Variants in MTMR9 observed in about 807,000 individuals in gnomAD.
MTMR9 encodes myotubularin related protein 9.
MTMR9 carries 39 observed loss-of-function variants against 69.5 expected under a neutral mutation model. The observed-to-expected ratio is 0.56, with a 90% CI of 0.43 to 0.73. The LOEUF (loss-of-function observed/expected upper bound fraction) is 0.73, where lower values mean the gene tolerates loss of function less well. Among genes scored for constraint, MTMR9 ranks in the 30% least tolerant of loss-of-function variants. The pLI is 0.00. For synonymous variants in MTMR9, 354 were observed against 240.8 expected (o/e 1.47, Z -4.35); for missense variants, 900 against 671.2 (o/e 1.34, Z -3.77).
chr8:11,336,888 A>G, the MTMR9 span, among the ~76,000 whole-genome samples: 3 of 152,160 alleles, frequency 2.0e-5, no homozygotes, highest in African/African-American at 7.2e-5. Flanking sequence ...TTGCTATTGT[A>G]TGCATCCAAC....
At chr8:11,330,393 C>T (rs1301216174), downstream of MTMR9, among the ~76,000 whole-genome samples, 19 of 152,142 alleles carry the variant, frequency 1.2e-4, no homozygotes, top group African/African-American at 1.9e-4. Context: ...CCCCTCTGCC[C>T]GGCCACCACC....
At chr8:11,294,989 A>G (rs796887509) in intron 1 of MTMR9, 37 of 350,686 alleles carry the variant, frequency 1.1e-4, no homozygotes, top group African/African-American at 7.9e-4. Context: ...TACTTTATAT[A>G]TTTGAAATTT....
chr8:11,325,368 A>G lies in MTMR9; in HGVS notation c.*2580A>G, dbSNP rs1312538395. 6 of 152,248 alleles carry G rather than the reference A, an allele frequency of 3.9e-5. No homozygotes were observed. Among genetic ancestry groups the G allele is most frequent in the African/African-American group, 1.4e-4 (6 of 41,460 alleles). The allele number at this position is 152,248 out of a possible 1,614,324, so 9.4% of individuals were successfully genotyped here. A position where few individuals can be genotyped will look rare whatever the true frequency, so the allele number is the denominator to read the frequency against. On this transcript the variant is annotated 3_prime_UTR_variant, in exon 10 of 10. Coordinates refer to ENST00000221086, the MANE Select transcript of MTMR9 (RefSeq NM_015458.4). ...TACACTCCTGAGAAGACACTCGTTA[A>G]ACATTGCATCGGAGAGCTGCCTTTG... is the stretch of plus-strand genomic sequence containing the variant.
At chr8:11,337,753 G>A in the MTMR9 span, among the ~76,000 whole-genome samples, 8 of 152,146 alleles carry the variant, frequency 5.3e-5, no homozygotes, top group African/African-American at 1.9e-4. Context: ...ATCTCTCATT[G>A]CATTCTAGGT....
chr8:11,328,344 C>CAT (rs1554507373), downstream of MTMR9, among the ~76,000 whole-genome samples: 2 of 90,894 alleles, frequency 2.2e-5, no homozygotes, highest in African/African-American at 6.0e-5. Context: ...TTTAATACCA[C>CAT]GTGTGTGTGT....
In MTMR9 at chr8:11,316,902, A is replaced by G; in HGVS notation, c.1334+9A>G. On this transcript the variant is annotated intron_variant, in intron 8 of 9. Transcript: ENST00000221086. Reference sequence around the variant, plus strand: ...AACAATGAAAGTGAAAGGTGAGTACACTGCTCACATGGGGACCTTTCCTTT... The same window carrying G: ...AACAATGAAAGTGAAAGGTGAGTACGCTGCTCACATGGGGACCTTTCCTTT... 6.4e-7 allele frequency: 1 copy of G among 1,563,090 alleles called. No individual in the cohort carries two copies. The highest frequency in any genetic ancestry group is 1.2e-5 in the South Asian group (1 of 82,664).
chr8:11,338,088 G>T, the MTMR9 span, among the ~76,000 whole-genome samples: 1 of 152,366 alleles, frequency 6.6e-6, no homozygotes, highest in South Asian at 2.1e-4. Context: ...TGGGAAAGGA[G>T]GAGCAATGAT....
At position 11,306,424 on chromosome 8, in the gene MTMR9, A is replaced by G; in HGVS notation, c.809+17A>G. ...CATTGAGAGGTAAAAGATTCCAAAG[A>G]TAGTACAGACTCTTATTAGAAGCTA... On this transcript the variant is annotated intron_variant, in intron 5 of 9. Coordinates refer to ENST00000221086, the MANE Select transcript of MTMR9 (RefSeq NM_015458.4). 2.5e-6 allele frequency: 4 copies of G among 1,608,608 alleles called. No individual in the cohort carries two copies. The highest frequency in any genetic ancestry group is 3.4e-6 in the Non-Finnish European group (4 of 1,175,302).
At chr8:11,331,046 C>A, downstream of MTMR9, 1 of 1,538,842 alleles carries the variant, frequency 6.5e-7, no homozygotes, top group Non-Finnish European at 8.7e-7. Context: ...GTCACAATGG[C>A]TGGAGCTCTG....
At chr8:11,331,438 A>G (rs1409878482), downstream of MTMR9, 1 of 1,613,954 alleles carries the variant, frequency 6.2e-7, no homozygotes, top group Admixed American at 1.7e-5. Context: ...GCCCTGCTCA[A>G]CGTCCTCAGC....
At chr8:11,320,848 A>T (rs890871281) in intron 9 of MTMR9, 8 of 152,278 alleles carry the variant, frequency 5.3e-5, no homozygotes, top group African/African-American at 1.9e-4. Context: ...GATAATAAGC[A>T]CACATTTATT....
intron 8 of MTMR9, chr8:11,317,677 C>G (rs1800486513): frequency 6.6e-6 from 1 of 152,384 alleles, no homozygotes; most frequent in African/African-American, 2.4e-5. Flanking sequence ...CTGCTCCAGA[C>G]TTTGTTACAC....
intron 7 of MTMR9, 172 bp from the exon 8 acceptor site, chr8:11,316,501 G>A: frequency 2.2e-6 from 1 of 448,250 alleles, no homozygotes; most frequent in Non-Finnish European, 3.9e-6. Flanking sequence ...CTTAGTTGCT[G>A]CCGCTATTTA....
the MTMR9 span, among the ~76,000 whole-genome samples, chr8:11,335,245 C>A: frequency 1.3e-5 from 2 of 152,116 alleles, no homozygotes; most frequent in South Asian, 4.1e-4. Context: ...GGTTAATTTA[C>A]AAAATTCAAT....
the MTMR9 span, among the ~76,000 whole-genome samples, chr8:11,338,411 G>A: frequency 3.9e-5 from 6 of 152,244 alleles, no homozygotes; most frequent in East Asian, 1.9e-4. Flanking sequence ...GCTGGAGTTC[G>A]TTGTAGGGGA....
At chr8:11,315,161 T>A in intron 7 of MTMR9, 97 bp downstream of exon 7, 2 of 1,429,878 alleles carry the variant, frequency 1.4e-6, no homozygotes, top group South Asian at 1.3e-5. Context: ...TTCGATTGAT[T>A]AAAATTTCTA....
chr8:11,331,489 G>A (rs1585150162), downstream of MTMR9: 2 of 1,613,744 alleles, frequency 1.2e-6, no homozygotes, highest in Non-Finnish European at 1.7e-6. Flanking sequence ...GTGCCCGCTG[G>A]CAACGCTGCC....
rs1800910582 is a variant in MTMR9, at chr8:11,325,896, T to A, written c.*3108T>A. ...GTCTCAAAGCAAGATTTTAAAGTGA[T>A]TTTTGAGAAGACTTGGGGGGGACAA... On this transcript the variant is annotated 3_prime_UTR_variant, in exon 10 of 10. Coordinates refer to ENST00000221086, the MANE Select transcript of MTMR9 (RefSeq NM_015458.4). The A allele has an allele frequency of 6.6e-6, 1 of 152,196 alleles. No individual in the cohort carries two copies. The highest frequency in any genetic ancestry group is 2.1e-4 in the South Asian group (1 of 4,830). 9.4% of individuals were successfully genotyped at this position (152,196 alleles called of 1,614,324 possible).
intron 8 of MTMR9, chr8:11,318,111 A>G (rs1800505919): frequency 6.6e-6 from 1 of 152,230 alleles, no homozygotes; most frequent in South Asian, 2.1e-4. Flanking sequence ...AATGTGTTTG[A>G]TGATGAATTT....
Sources: gnomAD v4.1 joint callset for allele counts (sites outside exome capture counted in the v4.1 genomes callset) on GRCh38, gnomAD v4.1.1 for gene constraint, MANE v1.5 for transcripts, NCBI Gene and HGNC (gene_info 2026-07-23, HGNC 2026-07-21) for gene names.